The following GMDS variants were observed in gnomAD, a reference collection of about 807,000 sequenced individuals.
GMDS encodes the protein GDP-mannose 4,6 dehydratase.
In GMDS, 20 loss-of-function variants were observed where a neutral mutation model predicts 49.9. The observed-to-expected ratio is 0.40, with a 90% CI of 0.28 to 0.58. GMDS has a LOEUF of 0.58. Among genes scored for constraint, GMDS ranks in the 20% least tolerant of loss-of-function variants. The pLI, the probability that GMDS is intolerant of heterozygous loss-of-function variation, is 0.42. For missense variants in GMDS, 362 were observed against 481.4 expected (o/e 0.75, Z 2.32); for synonymous variants, 177 against 178.6 (o/e 0.99, Z 0.07).
chr6:2,094,704 A>T (rs1328536926), intron 4 of GMDS, among the ~76,000 whole-genome samples: 1 of 152,218 alleles, frequency 6.6e-6, no homozygotes, highest in Admixed American at 6.5e-5. Flanking sequence ...GGAAAGAAGC[A>T]GATTTGGGTT....
intron 8 of GMDS, among the ~76,000 whole-genome samples, chr6:1,737,776 TACACATACATAC>T (rs1366023078): frequency 1.5e-4 from 13 of 85,776 alleles, no homozygotes; most frequent in East Asian, 4.8e-4. Context: ...CACACACAGA[TACACATACATAC>T]ACACATACAT....
intron 4 of GMDS, among the ~76,000 whole-genome samples, chr6:2,026,256 C>G (rs751465386): frequency 6.6e-6 from 1 of 152,164 alleles, no homozygotes; most frequent in Non-Finnish European, 1.5e-5. Context: ...CCCAGCTTCT[C>G]TCACTTCAAA....
At chr6:2,055,956 G>A (rs1340870979) in intron 4 of GMDS, among the ~76,000 whole-genome samples, 1 of 152,034 alleles carries the variant, frequency 6.6e-6, no homozygotes, top group Non-Finnish European at 1.5e-5. Flanking sequence ...TTAAAGAAAA[G>A]ACCAAAGCAT....
chr6:2,209,088 T>TA (rs1381902028), intron 1 of GMDS, among the ~76,000 whole-genome samples: 2 of 152,010 alleles, frequency 1.3e-5, no homozygotes, highest in East Asian at 1.9e-4. Context: ...CATTGCAAAA[T>TA]AAAAAAAGAA....
intron 4 of GMDS, among the ~76,000 whole-genome samples, chr6:2,041,195 C>T (rs558075710): frequency 3.3e-5 from 5 of 151,758 alleles, no homozygotes; most frequent in African/African-American, 7.3e-5. Flanking sequence ...GCACATATGC[C>T]GACATATATA....
chr6:2,030,886 T>C (rs1768915030), intron 4 of GMDS, among the ~76,000 whole-genome samples: 1 of 152,206 alleles, frequency 6.6e-6, no homozygotes, highest in Non-Finnish European at 1.5e-5. Flanking sequence ...ACAAGTATTA[T>C]CTTTGTGACT....
At chr6:1,900,423 C>T (rs1760443270) in intron 7 of GMDS, among the ~76,000 whole-genome samples, 1 of 152,030 alleles carries the variant, frequency 6.6e-6, no homozygotes, top group African/African-American at 2.4e-5. Context: ...CTTTTTATAA[C>T]CACTTCAACT....
At chr6:1,738,971 T>C (rs1332843940) in intron 8 of GMDS, among the ~76,000 whole-genome samples, 1 of 152,172 alleles carries the variant, frequency 6.6e-6, no homozygotes, top group Non-Finnish European at 1.5e-5. Flanking sequence ...TGGGTGTTTC[T>C]GGGAGGACTT....
intron 4 of GMDS, among the ~76,000 whole-genome samples, chr6:2,075,250 A>T (rs554844581): frequency 7.5e-5 from 11 of 147,596 alleles, no homozygotes; most frequent in South Asian, 2.2e-4. Flanking sequence ...AATGCTATAA[A>T]TTTTTTTTTT....
At chr6:1,966,027 T>C (rs1259957990) in intron 4 of GMDS, among the ~76,000 whole-genome samples, 1 of 152,304 alleles carries the variant, frequency 6.6e-6, no homozygotes, top group African/African-American at 2.4e-5. Context: ...CATTCATTTG[T>C]TTACAGGTCT....
In GMDS at chr6:1,624,096, C is replaced by G; in HGVS notation, c.*73G>C. 7.3e-7 allele frequency: 1 copy of G among 1,368,860 alleles called. No individual in the cohort carries two copies. The highest frequency in any genetic ancestry group is 1.0e-6 in the Non-Finnish European group (1 of 974,532). The allele number at this position is 1,368,860 out of a possible 1,614,324, so 84.8% of individuals were successfully genotyped here. A position where few individuals can be genotyped will look rare whatever the true frequency, so the allele number is the denominator to read the frequency against. On this transcript the variant is annotated 3_prime_UTR_variant, in exon 11 of 11. Transcript: ENST00000380815. ...CGCAGATTGGCACGCCGCTCCCCAT[C>G]CCCGCAGCGCGTCTGCACCGGAGAC... is the stretch of plus-strand genomic sequence containing the variant.
intron 4 of GMDS, among the ~76,000 whole-genome samples, chr6:1,986,207 A>G (rs1423024542): frequency 6.6e-6 from 1 of 152,318 alleles, no homozygotes; most frequent in Admixed American, 6.5e-5. Flanking sequence ...GGAGCTTCCC[A>G]GGGGAGTTTT....
intron 7 of GMDS, among the ~76,000 whole-genome samples, chr6:1,864,078 C>T (rs891855376): frequency 2.0e-5 from 3 of 152,018 alleles, no homozygotes; most frequent in African/African-American, 7.2e-5. Flanking sequence ...AATAAATTAA[C>T]TTTCTAGTTT....
At chr6:1,629,671 C>A (rs1581387457) in intron 9 of GMDS, among the ~76,000 whole-genome samples, 2 of 152,324 alleles carry the variant, frequency 1.3e-5, no homozygotes, top group East Asian at 3.9e-4. Context: ...TCGCCACTGT[C>A]ACCTCTGCTG....
intron 1 of GMDS, among the ~76,000 whole-genome samples, chr6:2,214,551 C>T (rs1011760403): frequency 1.3e-5 from 2 of 152,128 alleles, no homozygotes. Context: ...AGGTTACATG[C>T]AAATATTATG....
At chr6:1,727,115 T>C (rs184908318) in intron 8 of GMDS, among the ~76,000 whole-genome samples, 19 of 152,304 alleles carry the variant, frequency 1.2e-4, no homozygotes, top group African/African-American at 4.6e-4. Context: ...GAACTAATTG[T>C]TTGTTTCCTG....
chr6:2,160,274 G>A (rs1777329122), intron 1 of GMDS, among the ~76,000 whole-genome samples: 1 of 152,200 alleles, frequency 6.6e-6, no homozygotes, highest in Non-Finnish European at 1.5e-5. Context: ...TTTCTCATCA[G>A]AAGAGTGACA....
intron 4 of GMDS, among the ~76,000 whole-genome samples, chr6:2,059,677 C>CAG (rs1554156932): frequency 2.1e-5 from 2 of 95,054 alleles, no homozygotes; most frequent in Non-Finnish European, 3.8e-5. Flanking sequence ...CACTGCACTC[C>CAG]AGCCTGGGCG....
At chr6:1,760,171 C>G (rs1050949742) in intron 7 of GMDS, among the ~76,000 whole-genome samples, 1 of 152,172 alleles carries the variant, frequency 6.6e-6, no homozygotes, top group African/African-American at 2.4e-5. Context: ...AGCAGATCCT[C>G]CTTTCCCATT....
Sources: gnomAD v4.1 joint callset for allele counts (sites outside exome capture counted in the v4.1 genomes callset) on GRCh38, gnomAD v4.1.1 for gene constraint, MANE v1.5 for transcripts, NCBI Gene and HGNC (gene_info 2026-07-23, HGNC 2026-07-21) for gene names.